Variants in LOXHD1 observed in about 807,000 individuals in gnomAD.
LOXHD1 encodes the protein lipoxygenase homology domain-containing protein 1.
Under a neutral mutation model 248.2 loss-of-function variants are expected in LOXHD1, and 205 were observed. The ratio of observed to expected loss-of-function variants is 0.83; its 90% CI spans 0.74 to 0.93. LOXHD1 has a LOEUF of 0.93. LOXHD1 is among the 40% of genes least tolerant of loss of function. The pLI is 0.00. For synonymous variants in LOXHD1, 1,113 were observed against 1,162.8 expected, an observed-to-expected ratio of 0.96 and a Z score of 0.87; for missense variants, 2,930 against 2,971.6, an observed-to-expected ratio of 0.99 and a Z score of 0.33.
At chr18:46,543,975 A>C (rs2036682068) in intron 23 of LOXHD1, among the ~76,000 whole-genome samples, 1 of 152,202 alleles carries the variant, frequency 6.6e-6, no homozygotes, top group Non-Finnish European at 1.5e-5. Context: ...GCTATTTCAC[A>C]TATATAATCA....
chr18:46,477,663 G>A lies in LOXHD1; in HGVS notation c.6631C>T (p.Leu2211=). The A allele has an allele frequency of 6.4e-7, 1 of 1,551,830 alleles. No homozygotes were observed. The highest frequency in any genetic ancestry group is 1.2e-5 in the South Asian group (1 of 84,068). ...ACCTTGCGCAGCTCACCCAGCTCCA[G>A]CGTCTCCAGGAAGAAGCGGTCTGTG... ...GSTDRFFLET[L]ELGELRKVRL... is the part of the protein sequence containing the mutation. The change falls in exon 41 of 41, where the codon CTG becomes TTG. Residue 2211 remains leucine (L), a synonymous_variant. Transcript: ENST00000642948.
intron 4 of LOXHD1, among the ~76,000 whole-genome samples, chr18:46,638,064 C>T (rs1348940467): frequency 1.3e-5 from 2 of 152,104 alleles, no homozygotes; most frequent in Non-Finnish European, 2.9e-5. Context: ...TGCTCCAGGG[C>T]ACCACAGAGC....
intron 37 of LOXHD1, among the ~76,000 whole-genome samples, chr18:46,502,352 G>A (rs1211521871): frequency 6.6e-6 from 1 of 152,176 alleles, no homozygotes; most frequent in African/African-American, 2.4e-5. Flanking sequence ...AACAGGGGAA[G>A]CCATCCAGGG....
intron 4 of LOXHD1, among the ~76,000 whole-genome samples, chr18:46,635,303 G>T (rs1047948324): frequency 2.6e-5 from 4 of 152,126 alleles, no homozygotes. Context: ...TGTAGAAGGG[G>T]TTCTTGTGAC....
chr18:46,647,127 G>A (rs2039041135), intron 2 of LOXHD1, among the ~76,000 whole-genome samples: 2 of 152,214 alleles, frequency 1.3e-5, no homozygotes, highest in Non-Finnish European at 2.9e-5. Context: ...CAACCCCTGG[G>A]GTAATTGGGG....
Position 46,546,900 on chromosome 18 carries a change from T to G in LOXHD1, c.3509A>C (p.Gln1170Pro). 6.5e-7 allele frequency: 1 copy of G among 1,549,260 alleles called. No homozygotes were observed. Among genetic ancestry groups the G allele is most frequent in the Non-Finnish European group, 8.7e-7 (1 of 1,144,942 alleles). ...NNPLDNLALE[Q>P]KDKSTTFSVT... ...TCAGCTCTAGTTTAGAAAACCTTTC[T>G]GCTCCAGGGCCAGGTTGTCGAGGGG... The change falls in exon 22 of 41, where the codon CAG (glutamine) becomes CCG (proline). Residue 1170 changes from glutamine to proline, a missense_variant. By Grantham distance (76) the Gln-to-Pro change is moderately conservative. Transcript: ENST00000642948.
intron 28 of LOXHD1, among the ~76,000 whole-genome samples, chr18:46,530,735 GT>G (rs1306582243): frequency 1.3e-5 from 2 of 152,128 alleles, no homozygotes; most frequent in Non-Finnish European, 2.9e-5. Context: ...CCACAGCAGG[GT>G]TCCCATGATT....
intron 25 of LOXHD1, 67 bp from the exon 26 acceptor site, chr18:46,538,404 C>T (rs1021793861): frequency 2.1e-6 from 3 of 1,456,156 alleles, no homozygotes; most frequent in African/African-American, 2.8e-5. Context: ...ATGGTGAGAG[C>T]CAGTTCTTCA....
intron 29 of LOXHD1, among the ~76,000 whole-genome samples, chr18:46,525,522 G>GAGGAAA (rs2035790048): frequency 6.6e-6 from 1 of 152,052 alleles, no homozygotes; most frequent in South Asian, 2.1e-4. Flanking sequence ...AGGCTCAAGG[G>GAGGAAA]GGTTTTGTGG....
intron 21 of LOXHD1, chr18:46,555,263 G>T: frequency 2.2e-6 from 1 of 459,284 alleles, no homozygotes; most frequent in Non-Finnish European, 4.5e-6. Context: ...GCAACATTAA[G>T]CCCATTTATC....
chr18:46,641,491 T>C (rs2038962618), intron 3 of LOXHD1, among the ~76,000 whole-genome samples: 1 of 152,218 alleles, frequency 6.6e-6, no homozygotes. Context: ...TTGGTATCTC[T>C]ACCACTTGCT....
intron 31 of LOXHD1, among the ~76,000 whole-genome samples, chr18:46,523,631 T>C (rs887029994): frequency 6.6e-6 from 1 of 152,214 alleles, no homozygotes; most frequent in Non-Finnish European, 1.5e-5. Flanking sequence ...CCTGGCATAG[T>C]GGATTTTAGG....
chr18:46,480,469 A>G (rs1366147087), intron 40 of LOXHD1, among the ~76,000 whole-genome samples: 1 of 152,172 alleles, frequency 6.6e-6, no homozygotes, highest in African/African-American at 2.4e-5. Context: ...GCTCCAAGTC[A>G]TCTGGTATGT....
In LOXHD1 at chr18:46,592,836, C is replaced by T. The variant is rs943352224; in HGVS notation, c.1432-252G>A. On this transcript the variant is annotated intron_variant, in intron 10 of 40. Transcript: ENST00000642948. ...CGGTGAAACTGAACAAAAATAACGG[C>T]CCCACAGTGGGATTCAGACTAAAGA... 2.0e-5 allele frequency among the ~76,000 whole-genome samples: 3 copies of T among 152,110 alleles called. No individual in the cohort carries two copies. The South Asian group carries it at 6.2e-4, about 32-fold the overall frequency.
chr18:46,488,968 A>G lies in LOXHD1; in HGVS notation c.6049+4T>C, dbSNP rs1433790197. On this transcript the variant is annotated splice_donor_region_variant and intron_variant, in intron 38 of 40. Coordinates refer to ENST00000642948, the MANE Select transcript of LOXHD1 (RefSeq NM_001384474.1). ...CTCCTGAGCCAATGATCTCCCCCACATACTGGTCTCTTCCAGCTCATCACA... is the reference window on the plus strand; with the variant it reads ...CTCCTGAGCCAATGATCTCCCCCACGTACTGGTCTCTTCCAGCTCATCACA... 40 of 1,550,444 alleles carry G rather than the reference A, an allele frequency of 2.6e-5. No homozygotes were observed. Among genetic ancestry groups the G allele is most frequent in the Middle Eastern group, 1.7e-4 (1 of 6,010 alleles).
intron 27 of LOXHD1, 37 bp from the exon 28 acceptor site, chr18:46,533,361 T>A: frequency 6.5e-7 from 1 of 1,548,420 alleles, no homozygotes; most frequent in Non-Finnish European, 8.7e-7. Flanking sequence ...TAGCCCTTAA[T>A]GTGAAAGCTG....
At chr18:46,521,993 G>T in intron 32 of LOXHD1, 108 bp downstream of exon 32, 3 of 884,356 alleles carry the variant, frequency 3.4e-6, no homozygotes, top group Non-Finnish European at 3.4e-6. Context: ...AAGGGGTGCT[G>T]CAGGTAGGCT....
Position 46,557,363 on chromosome 18 carries a change from C to T in LOXHD1, c.3343G>A (p.Glu1115Lys), listed in dbSNP as rs952786682. Residue 1115 changes from glutamate to lysine, a missense_variant, in exon 21 of 41, where the codon GAG becomes AAG. Transcript: ENST00000642948. ...CACTGCCCCCACACTCACGTGATCT[C>T]GTTGTTCATGTCAGTAATGTCTATT... ...DRIDITDMNN[E>K]ITYYFPCQRW... The T allele has an allele frequency of 2.3e-5, 35 of 1,552,240 alleles. No homozygotes were observed. In the African/African-American group the frequency reaches 4.0e-4, roughly 18 times the overall value.
chr18:46,644,057 AT>A (rs553934351), intron 2 of LOXHD1, among the ~76,000 whole-genome samples: 31 of 152,314 alleles, frequency 2.0e-4, no homozygotes, highest in Non-Finnish European at 3.8e-4. Flanking sequence ...GTCTATATAC[AT>A]TTTTAACTTT....
Sources: gnomAD v4.1 joint callset for allele counts (sites outside exome capture counted in the v4.1 genomes callset) on GRCh38, gnomAD v4.1.1 for gene constraint, MANE v1.5 for transcripts, NCBI Gene and HGNC (gene_info 2026-07-23, HGNC 2026-07-21) for gene names.